The following DIAPH2 variants were observed in gnomAD, a reference collection of about 807,000 sequenced individuals.
The protein encoded by DIAPH2 is diaphanous related formin 2, also known as protein diaphanous homolog 2.
DIAPH2 carries 35 observed loss-of-function variants against 92.7 expected under a neutral mutation model. The ratio of observed to expected loss-of-function variants is 0.38; its 90% CI spans 0.29 to 0.50. The LOEUF is 0.50. Ranked by LOEUF, DIAPH2 falls within the 20% of genes least tolerant of loss-of-function variation. The pLI, the probability that DIAPH2 is intolerant of heterozygous loss-of-function variation, is 0.94. For synonymous variants in DIAPH2, 301 were observed against 280.4 expected (o/e 1.07, Z -0.73); for missense variants, 701 against 819.5 (o/e 0.86, Z 1.77).
intron 17 of DIAPH2, among the ~76,000 whole-genome samples, chrX:96,994,368 G>A (rs972689067): frequency 1.3e-4 from 15 of 111,664 alleles, no homozygotes; most frequent in Non-Finnish European, 2.6e-4. Context: ...TACTTACTGC[G>A]ATGAGGATGA....
intron 23 of DIAPH2, chrX:97,341,428 G>C (rs1314864064): frequency 1.8e-5 from 2 of 110,466 alleles, no homozygotes; most frequent in Non-Finnish European, 3.8e-5. Flanking sequence ...AAAATGGCCA[G>C]TTTTAAATTT....
At chrX:97,419,344 A>T (rs764407025) in intron 25 of DIAPH2, among the ~76,000 whole-genome samples, 1 of 112,555 alleles carries the variant, frequency 8.9e-6, no homozygotes, top group Admixed American at 9.4e-5. Flanking sequence ...TCTTACTGCA[A>T]CAACTCAACT....
At chrX:96,910,815 G>A (rs948178939) in intron 5 of DIAPH2, among the ~76,000 whole-genome samples, 5 of 111,062 alleles carry the variant, frequency 4.5e-5, no homozygotes, top group Non-Finnish European at 9.4e-5. Flanking sequence ...CATGCCAAAG[G>A]GGTAGGTAAG....
intron 26 of DIAPH2, among the ~76,000 whole-genome samples, chrX:97,454,583 C>T (rs928296525): frequency 8.3e-5 from 9 of 108,538 alleles, no homozygotes; most frequent in African/African-American, 3.2e-4. Context: ...TGGCTGGGTG[C>T]GGTGACTCAC....
At chrX:96,688,818 G>A (rs934658195) in intron 1 of DIAPH2, among the ~76,000 whole-genome samples, 4 of 111,966 alleles carry the variant, frequency 3.6e-5, no homozygotes, top group African/African-American at 1.3e-4. Flanking sequence ...AGACGTGGTA[G>A]CTTGTGCCTA....
intron 4 of DIAPH2, among the ~76,000 whole-genome samples, chrX:96,769,980 T>G (rs1258818342): frequency 1.8e-5 from 2 of 111,562 alleles, no homozygotes; most frequent in Non-Finnish European, 3.8e-5. Context: ...GGTGGATCAC[T>G]TGAGGTCAGG....
chrX:97,265,241 A>G (rs1268882780), intron 23 of DIAPH2, among the ~76,000 whole-genome samples: 2 of 111,760 alleles, frequency 1.8e-5, no homozygotes, highest in Non-Finnish European at 3.8e-5. Flanking sequence ...CTTTAGTAAG[A>G]TTGCTCTGCC....
At chrX:96,723,825 G>C (rs1400006783) in intron 1 of DIAPH2, among the ~76,000 whole-genome samples, 5 of 110,719 alleles carry the variant, frequency 4.5e-5, no homozygotes, top group Non-Finnish European at 9.4e-5. Context: ...AGTTAATTTA[G>C]GAATTTTGTA....
chrX:97,539,119 A>T (rs1319635414), intron 26 of DIAPH2, among the ~76,000 whole-genome samples: 1 of 112,028 alleles, frequency 8.9e-6, no homozygotes, highest in Non-Finnish European at 1.9e-5. Context: ...AAAGAATTAA[A>T]TAGCTTTCTA....
intron 26 of DIAPH2, among the ~76,000 whole-genome samples, chrX:97,484,962 A>T (rs1204445586): frequency 2.7e-5 from 3 of 112,642 alleles, no homozygotes; most frequent in Admixed American, 9.4e-5. Flanking sequence ...ACTATTTTAA[A>T]CTAAAGTAGT....
At chrX:97,264,937 C>G (rs753179730) in intron 23 of DIAPH2, among the ~76,000 whole-genome samples, 16 of 111,008 alleles carry the variant, frequency 1.4e-4, no homozygotes, top group Admixed American at 7.7e-4. Context: ...GAGCCAAGAT[C>G]ACACCACTGC....
intron 17 of DIAPH2, among the ~76,000 whole-genome samples, chrX:97,001,336 T>C (rs16982267): frequency 0.059 from 6,560 of 111,839 alleles, 480 homozygotes; most frequent in African/African-American, 0.2. Flanking sequence ...TTGAGGTGAT[T>C]TATGATTGCT....
intron 26 of DIAPH2, among the ~76,000 whole-genome samples, chrX:97,561,319 A>G (rs2147869224): frequency 8.9e-6 from 1 of 112,346 alleles, no homozygotes; most frequent in Non-Finnish European, 1.9e-5. Context: ...TCTTCCTTTA[A>G]TGTCTGTGAA....
chrX:97,051,744 A>G (rs1480584923), intron 17 of DIAPH2, among the ~76,000 whole-genome samples: 1 of 111,728 alleles, frequency 9.0e-6, no homozygotes, highest in Non-Finnish European at 1.9e-5. Context: ...AGAAGCACGT[A>G]TCTGGGCTAA....
At chrX:97,225,688 T>C (rs1460455384) in intron 22 of DIAPH2, among the ~76,000 whole-genome samples, 1 of 111,830 alleles carries the variant, frequency 8.9e-6, no homozygotes, top group Non-Finnish European at 1.9e-5. Flanking sequence ...TGGGTGTTTA[T>C]ATATTGAAAT....
rs781403385 is a variant in DIAPH2 at position 97,476,803 on chromosome X, G to A, written c.3241+47058G>A. ...CTTAAAAAAATACAAAATTAGCCAG[G>A]TGTGGTGGCACATGCCTGTAATCCC... is the stretch of plus-strand genomic sequence containing the variant. On this transcript the variant is annotated intron_variant, in intron 26 of 26. Coordinates refer to ENST00000324765, the MANE Select transcript of DIAPH2 (RefSeq NM_006729.5). 3.8e-5 allele frequency among the ~76,000 whole-genome samples: 4 copies of A among 104,631 alleles called. No individual in the cohort carries two copies. In the South Asian group the frequency reaches 1.8e-3, roughly 47 times the overall value. 90.9% of individuals were successfully genotyped at this position (104,631 alleles called of 115,157 possible).
intron 23 of DIAPH2, among the ~76,000 whole-genome samples, chrX:97,275,667 C>G (rs1413142873): frequency 2.8e-5 from 3 of 108,032 alleles, no homozygotes; most frequent in Non-Finnish European, 3.9e-5. Flanking sequence ...AGGCGCTCCT[C>G]ACATCCCAGA....
At chrX:97,279,065 A>G (rs1392429124) in intron 23 of DIAPH2, among the ~76,000 whole-genome samples, 1 of 111,872 alleles carries the variant, frequency 8.9e-6, no homozygotes, top group Non-Finnish European at 1.9e-5. Flanking sequence ...CCTTGTTTAA[A>G]AGTTGAGAAA....
intron 4 of DIAPH2, among the ~76,000 whole-genome samples, chrX:96,866,034 A>G (rs2065102727): frequency 8.9e-6 from 1 of 112,307 alleles, no homozygotes; most frequent in African/African-American, 3.2e-5. Flanking sequence ...TCAAATTTTC[A>G]TGACTCCAAA....
Sources: gnomAD v4.1 joint callset for allele counts (sites outside exome capture counted in the v4.1 genomes callset) on GRCh38, gnomAD v4.1.1 for gene constraint, MANE v1.5 for transcripts, NCBI Gene and HGNC (gene_info 2026-07-23, HGNC 2026-07-21) for gene names.